DIAPH3: variants seen among roughly 807,000 people sequenced by gnomAD.
DIAPH3 encodes protein diaphanous homolog 3.
Under a neutral mutation model 144.3 loss-of-function variants are expected in DIAPH3, and 117 were observed. The observed-to-expected ratio is 0.81, with a 90% CI of 0.70 to 0.95. The LOEUF is 0.95. Ranked by LOEUF, DIAPH3 falls within the 40% of genes least tolerant of loss-of-function variation. The pLI is 0.00. For synonymous variants in DIAPH3, 519 were observed against 488.9 expected, an observed-to-expected ratio of 1.06 and a Z score of -0.81; for missense variants, 1,421 against 1,412.7, an observed-to-expected ratio of 1.01 and a Z score of -0.09.
chr13:59,802,412 T>C (rs75459730), intron 25 of DIAPH3, among the ~76,000 whole-genome samples: 1,784 of 151,684 alleles, frequency 0.012, 28 homozygotes, highest in African/African-American at 0.04. Flanking sequence ...ATTTTATCAA[T>C]ATATCAATTT....
chr13:59,816,934 C>A (rs1353119494), intron 24 of DIAPH3, among the ~76,000 whole-genome samples: 1 of 151,778 alleles, frequency 6.6e-6, no homozygotes, highest in African/African-American at 2.4e-5. Flanking sequence ...GGGGTATTTT[C>A]AATATTGTTC....
chr13:59,941,351 A>G (rs1356962201), intron 17 of DIAPH3, among the ~76,000 whole-genome samples: 2 of 152,152 alleles, frequency 1.3e-5, no homozygotes, highest in Non-Finnish European at 2.9e-5. Flanking sequence ...AGGGGATCAG[A>G]AGGACAAGAT....
intron 5 of DIAPH3, among the ~76,000 whole-genome samples, chr13:60,036,136 T>C (rs2055190744): frequency 6.6e-6 from 1 of 152,234 alleles, no homozygotes; most frequent in Non-Finnish European, 1.5e-5. Flanking sequence ...CCCTTGGGAC[T>C]CTCTTGAGAT....
At chr13:60,145,440 G>A (rs746983166) in intron 1 of DIAPH3, among the ~76,000 whole-genome samples, 2 of 152,202 alleles carry the variant, frequency 1.3e-5, no homozygotes, top group Admixed American at 6.5e-5. Flanking sequence ...AAGGTCAGGA[G>A]ATCGAGACCA....
chr13:59,716,719 GCTGGATTTGAA>G (rs1443274855), intron 27 of DIAPH3, among the ~76,000 whole-genome samples: 2 of 152,160 alleles, frequency 1.3e-5, no homozygotes. Flanking sequence ...AGCAGCTGAG[GCTGGATTTGAA>G]ATCTGTTCTT....
chr13:59,857,004 C>T (rs1475061747), intron 22 of DIAPH3, among the ~76,000 whole-genome samples: 1 of 151,980 alleles, frequency 6.6e-6, no homozygotes, highest in African/African-American at 2.4e-5. Context: ...CAACCTACAA[C>T]CTCCACGACA....
intron 27 of DIAPH3, among the ~76,000 whole-genome samples, chr13:59,729,808 A>ATTTTTTTTTTTTTT (rs202135165): frequency 3.5e-5 from 4 of 115,210 alleles, no homozygotes; most frequent in African/African-American, 1.4e-4. Context: ...GAATACATTA[A>ATTTTTTTTTTTTTT]TATTTTTTTT....
At chr13:60,051,220 G>A (rs1353390717) in intron 4 of DIAPH3, among the ~76,000 whole-genome samples, 3 of 152,022 alleles carry the variant, frequency 2.0e-5, no homozygotes, top group South Asian at 4.2e-4. Flanking sequence ...AATTTGGGGG[G>A]AGTGGGAAAA....
intron 2 of DIAPH3, among the ~76,000 whole-genome samples, chr13:60,125,394 A>ATTTATTTTTTTTTT (rs2058961189): frequency 1.0e-5 from 1 of 97,830 alleles, no homozygotes. Flanking sequence ...CACCCAGCTA[A>ATTTATTTTTTTTTT]TTTTTTTTTT....
At chr13:59,859,866 T>G (rs1298316449) in intron 22 of DIAPH3, among the ~76,000 whole-genome samples, 1 of 152,212 alleles carries the variant, frequency 6.6e-6, no homozygotes, top group Non-Finnish European at 1.5e-5. Context: ...TTATTTTCCC[T>G]TCTTGAATCC....
At chr13:60,091,065 G>T (rs767735550) in intron 4 of DIAPH3, among the ~76,000 whole-genome samples, 1 of 152,110 alleles carries the variant, frequency 6.6e-6, no homozygotes, top group Admixed American at 6.5e-5. Context: ...GAACTATCAT[G>T]CCAAGGTTTT....
chr13:59,788,126 C>T (rs1469594327), intron 25 of DIAPH3, among the ~76,000 whole-genome samples: 1 of 152,130 alleles, frequency 6.6e-6, no homozygotes, highest in Non-Finnish European at 1.5e-5. Context: ...GTGATATAAT[C>T]CTCAACCTCA....
At chr13:60,160,106 C>T (rs537608944) in intron 1 of DIAPH3, among the ~76,000 whole-genome samples, 81 of 152,152 alleles carry the variant, frequency 5.3e-4, no homozygotes, top group Admixed American at 1.8e-3. Flanking sequence ...CACCTGTAGT[C>T]CCAACTACTC....
intron 25 of DIAPH3, among the ~76,000 whole-genome samples, chr13:59,798,099 T>G (rs1025683381): frequency 6.6e-6 from 1 of 152,136 alleles, no homozygotes; most frequent in South Asian, 2.1e-4. Flanking sequence ...CCCAATCCAC[T>G]AGAAAGCCCC....
At chr13:59,702,903 C>G (rs2034190179) in intron 27 of DIAPH3, among the ~76,000 whole-genome samples, 1 of 152,158 alleles carries the variant, frequency 6.6e-6, no homozygotes, top group Admixed American at 6.5e-5. Context: ...GGCTCATTCA[C>G]TTCCTCATCT....
chr13:60,057,437 G>A (rs2056599916), intron 4 of DIAPH3, among the ~76,000 whole-genome samples: 1 of 151,914 alleles, frequency 6.6e-6, no homozygotes, highest in Admixed American at 6.6e-5. Flanking sequence ...TCCAGAATTG[G>A]AAGAATCAAT....
intron 27 of DIAPH3, among the ~76,000 whole-genome samples, chr13:59,751,280 G>A (rs1307311847): frequency 2.6e-5 from 4 of 152,182 alleles, no homozygotes; most frequent in African/African-American, 9.7e-5. Context: ...TCAGGCTCTC[G>A]CTTCATGGCA....
intron 2 of DIAPH3, among the ~76,000 whole-genome samples, chr13:60,129,614 A>G (rs2059085774): frequency 6.6e-6 from 1 of 152,230 alleles, no homozygotes; most frequent in Admixed American, 6.5e-5. Context: ...ATTCAAATGT[A>G]TGACTACAGC....
At chr13:59,829,053 C>T (rs1298081993) in intron 24 of DIAPH3, among the ~76,000 whole-genome samples, 1 of 151,834 alleles carries the variant, frequency 6.6e-6, no homozygotes, top group Non-Finnish European at 1.5e-5. Context: ...GCTATTGTAA[C>T]AAGGCTCTCA....
Sources: gnomAD v4.1 joint callset for allele counts (sites outside exome capture counted in the v4.1 genomes callset) on GRCh38, gnomAD v4.1.1 for gene constraint, MANE v1.5 for transcripts, NCBI Gene and HGNC (gene_info 2026-07-23, HGNC 2026-07-21) for gene names.